Variants in RHOBTB1 observed in about 807,000 individuals in gnomAD.
RHOBTB1 encodes rho-related BTB domain-containing protein 1.
RHOBTB1 carries 40 observed loss-of-function variants against 71.6 expected under a neutral mutation model. That is an observed-to-expected ratio of 0.56 (90% CI 0.43 to 0.73). The LOEUF is 0.73. Ranked by LOEUF, RHOBTB1 falls within the 30% of genes least tolerant of loss-of-function variation. The pLI is 0.00. For synonymous variants in RHOBTB1, 319 were observed against 334.9 expected, an observed-to-expected ratio of 0.95 and a Z score of 0.52; for missense variants, 797 against 894.0, an observed-to-expected ratio of 0.89 and a Z score of 1.38.
intron 7 of RHOBTB1, among the ~76,000 whole-genome samples, chr10:60,878,852 G>C (rs540815887): frequency 1.1e-4 from 16 of 152,364 alleles, no homozygotes; most frequent in Admixed American, 1.0e-3. Context: ...GATTAATGGA[G>C]ATGTACACTG....
intron 4 of RHOBTB1, among the ~76,000 whole-genome samples, chr10:60,903,060 T>C (rs920721180): frequency 2.2e-4 from 34 of 152,182 alleles, no homozygotes; most frequent in Admixed American, 6.5e-5. Flanking sequence ...AGCTGTCCTA[T>C]GGGAACATAC....
Position 60,920,023 on chromosome 10 carries a change from G to A in RHOBTB1, c.-10-8471C>T, listed in dbSNP as rs74439597. 9.7e-3 allele frequency among the ~76,000 whole-genome samples: 1,477 copies of A among 152,298 alleles called. 8 individuals carry two copies. Among genetic ancestry groups the A allele is most frequent in the Non-Finnish European group, 0.015 (1,030 of 68,036 alleles). Reference sequence around the variant, plus strand: ...CCACCATAAGTGAACTGTGTGCTGGGTTCAGACACATGGGTCTACTTTCTT... The same window carrying A: ...CCACCATAAGTGAACTGTGTGCTGGATTCAGACACATGGGTCTACTTTCTT... On this transcript the variant is annotated intron_variant, in intron 2 of 10. Coordinates refer to ENST00000337910, the MANE Select transcript of RHOBTB1 (RefSeq NM_014836.5).
At chr10:60,918,990 C>T (rs895651585) in intron 2 of RHOBTB1, among the ~76,000 whole-genome samples, 4 of 152,144 alleles carry the variant, frequency 2.6e-5, no homozygotes, top group Non-Finnish European at 5.9e-5. Context: ...AGGTGATTCA[C>T]CCACCTCGGC....
chr10:60,914,607 C>A (rs1194994013), intron 2 of RHOBTB1, among the ~76,000 whole-genome samples: 2 of 152,024 alleles, frequency 1.3e-5, no homozygotes, highest in African/African-American at 2.4e-5. Context: ...GCAAACTAGC[C>A]CTGATAGCAG....
At chr10:60,919,273 T>C (rs1260970070) in intron 2 of RHOBTB1, among the ~76,000 whole-genome samples, 1 of 152,184 alleles carries the variant, frequency 6.6e-6, no homozygotes, top group Non-Finnish European at 1.5e-5. Context: ...GCAACAAATT[T>C]TAGTGTATTC....
At chr10:61,000,915 T>C (rs1445215916) in intron 1 of RHOBTB1, among the ~76,000 whole-genome samples, 1 of 152,308 alleles carries the variant, frequency 6.6e-6, no homozygotes, top group South Asian at 2.1e-4. Flanking sequence ...GGGCCGGGCA[T>C]GAGGAGCTGC....
chr10:60,901,616 A>G (rs1283860050), intron 4 of RHOBTB1, among the ~76,000 whole-genome samples: 2 of 152,228 alleles, frequency 1.3e-5, no homozygotes. Context: ...CTTTGAAAGG[A>G]AAAACTGTAT....
chr10:60,994,371 T>C (rs1243745735), intron 1 of RHOBTB1, among the ~76,000 whole-genome samples: 1 of 152,174 alleles, frequency 6.6e-6, no homozygotes, highest in African/African-American at 2.4e-5. Context: ...GGAGGACTTC[T>C]CTGAGGAGGT....
chr10:60,957,453 G>A (rs1012946720), intron 2 of RHOBTB1, among the ~76,000 whole-genome samples: 2 of 152,200 alleles, frequency 1.3e-5, no homozygotes, highest in East Asian at 3.9e-4. Context: ...GCTGTTCACA[G>A]TTGACTGAAA....
intron 4 of RHOBTB1, among the ~76,000 whole-genome samples, chr10:60,907,133 C>T (rs1161754761): frequency 6.6e-6 from 1 of 152,214 alleles, no homozygotes; most frequent in Non-Finnish European, 1.5e-5. Context: ...GTCAGGCCTC[C>T]CCAGCCACAC....
chr10:60,872,625 C>A (rs543033050), intron 9 of RHOBTB1, among the ~76,000 whole-genome samples: 1 of 151,906 alleles, frequency 6.6e-6, no homozygotes, highest in South Asian at 2.1e-4. Context: ...CACCAGCCCA[C>A]AGCAGAAAGC....
intron 1 of RHOBTB1, among the ~76,000 whole-genome samples, chr10:60,994,166 T>G (rs889813987): frequency 2.0e-5 from 3 of 152,166 alleles, no homozygotes; most frequent in Non-Finnish European, 4.4e-5. Flanking sequence ...GTTGAGTATC[T>G]GTGAAATGCC....
intron 1 of RHOBTB1, among the ~76,000 whole-genome samples, chr10:60,993,875 A>C (rs371723108): frequency 6.6e-6 from 1 of 152,122 alleles, no homozygotes. Flanking sequence ...TTTTGTAGTA[A>C]TTAATTTTTT....
intron 2 of RHOBTB1, among the ~76,000 whole-genome samples, chr10:60,985,125 C>T (rs979564299): frequency 6.6e-6 from 1 of 152,132 alleles, no homozygotes; most frequent in African/African-American, 2.4e-5. Flanking sequence ...TTTGCAGCTA[C>T]ACACAGAGAG....
At chr10:60,976,512 C>T (rs1374414008) in intron 2 of RHOBTB1, among the ~76,000 whole-genome samples, 2 of 151,884 alleles carry the variant, frequency 1.3e-5, no homozygotes, top group Admixed American at 1.3e-4. Flanking sequence ...CTTTTATAGC[C>T]AGTCTTTATG....
chr10:60,872,052 T>C, intron 10 of RHOBTB1, 133 bp downstream of exon 10: 1 of 735,974 alleles, frequency 1.4e-6, no homozygotes, highest in Non-Finnish European at 2.4e-6. Context: ...CATTAATATG[T>C]GACCACCAGC....
chr10:60,928,065 A>C (rs754789440), intron 2 of RHOBTB1, among the ~76,000 whole-genome samples: 6 of 151,642 alleles, frequency 4.0e-5, no homozygotes, highest in Non-Finnish European at 7.4e-5. Context: ...AACACATATG[A>C]AAAAATGCTC....
intron 2 of RHOBTB1, among the ~76,000 whole-genome samples, chr10:60,916,553 C>A (rs1331901869): frequency 6.6e-6 from 1 of 152,288 alleles, no homozygotes; most frequent in African/African-American, 2.4e-5. Flanking sequence ...ATCTCCAGTA[C>A]CTTCACTCCT....
intron 2 of RHOBTB1, among the ~76,000 whole-genome samples, chr10:60,956,722 G>T (rs999620301): frequency 2.3e-4 from 35 of 151,606 alleles, no homozygotes; most frequent in Non-Finnish European, 1.5e-5. Context: ...CTTACACAGG[G>T]TCAGGATCAT....
Sources: gnomAD v4.1 joint callset for allele counts (sites outside exome capture counted in the v4.1 genomes callset) on GRCh38, gnomAD v4.1.1 for gene constraint, MANE v1.5 for transcripts, NCBI Gene and HGNC (gene_info 2026-07-23, HGNC 2026-07-21) for gene names.